The following SHLD1 variants were observed in gnomAD, a reference collection of about 807,000 sequenced individuals.
SHLD1 encodes the protein RINN1-REV7-interacting novel NHEJ regulator 3.
SHLD1 carries 3 observed loss-of-function variants against 5.5 expected under a neutral mutation model. The ratio of observed to expected loss-of-function variants is 0.54; its 90% CI spans 0.25 to 1.40. The LOEUF (loss-of-function observed/expected upper bound fraction) is 1.40, where lower values mean the gene tolerates loss of function less well. SHLD1 is among the 40% of genes most tolerant of loss of function. The pLI is 0.15. For missense variants in SHLD1, 210 were observed against 244.4 expected (o/e 0.86, Z 0.94); for synonymous variants, 92 against 94.3 (o/e 0.98, Z 0.14).
chr20:5,805,902 A>G (rs2087368225), intron 2 of SHLD1, among the ~76,000 whole-genome samples: 1 of 152,150 alleles, frequency 6.6e-6, no homozygotes, highest in Non-Finnish European at 1.5e-5. Context: ...CGCCTGGCCT[A>G]AATTTGTGTT....
chr20:5,861,716 A>G (rs2122516227), intron 2 of SHLD1, among the ~76,000 whole-genome samples: 1 of 152,344 alleles, frequency 6.6e-6, no homozygotes. Flanking sequence ...ATTTCCAGCT[A>G]GTAGCAAAAC....
chr20:5,828,071 C>T (rs1174509310), intron 2 of SHLD1, among the ~76,000 whole-genome samples: 1 of 152,244 alleles, frequency 6.6e-6, no homozygotes, highest in African/African-American at 2.4e-5. Flanking sequence ...GTAGAGTCAG[C>T]ATATTCAACA....
chr20:5,767,783 G>A (rs1984924387), intron 1 of SHLD1, among the ~76,000 whole-genome samples: 1 of 152,102 alleles, frequency 6.6e-6, no homozygotes, highest in Non-Finnish European at 1.5e-5. Context: ...AACACCTAGT[G>A]TAATGTCCAA....
chr20:5,787,581 T>C (rs2087077065), intron 2 of SHLD1, among the ~76,000 whole-genome samples: 1 of 152,238 alleles, frequency 6.6e-6, no homozygotes, highest in African/African-American at 2.4e-5. Flanking sequence ...TTTTGCCCAC[T>C]GCCTGGCCTA....
At chr20:5,835,567 C>T (rs1363017426) in intron 2 of SHLD1, among the ~76,000 whole-genome samples, 1 of 152,084 alleles carries the variant, frequency 6.6e-6, no homozygotes, top group Non-Finnish European at 1.5e-5. Context: ...CAGGGAGCAC[C>T]AGGTGAAGAA....
At chr20:5,818,185 C>G (rs1048596277) in intron 2 of SHLD1, among the ~76,000 whole-genome samples, 1 of 151,968 alleles carries the variant, frequency 6.6e-6, no homozygotes, top group Non-Finnish European at 1.5e-5. Context: ...AAGCGATTCT[C>G]CTGCCTCAGC....
chr20:5,861,954 C>T (rs1281082276), intron 2 of SHLD1, among the ~76,000 whole-genome samples: 3 of 152,176 alleles, frequency 2.0e-5, no homozygotes, highest in Non-Finnish European at 4.4e-5. Context: ...GGGCTCCTTT[C>T]CTGGCTTGTA....
At chr20:5,770,837 T>G (rs1985114614) in intron 1 of SHLD1, among the ~76,000 whole-genome samples, 1 of 152,220 alleles carries the variant, frequency 6.6e-6, no homozygotes, top group Non-Finnish European at 1.5e-5. Flanking sequence ...AGGTTGTATT[T>G]GCAGGTAAAA....
intron 2 of SHLD1, among the ~76,000 whole-genome samples, chr20:5,859,440 G>T (rs116493161): frequency 6.6e-6 from 1 of 152,140 alleles, no homozygotes; most frequent in African/African-American, 2.4e-5. Flanking sequence ...CCCTGAAGAC[G>T]TTGCTATCCC....
intron 2 of SHLD1, among the ~76,000 whole-genome samples, chr20:5,803,676 C>G: frequency 6.6e-6 from 1 of 151,718 alleles, no homozygotes; most frequent in Non-Finnish European, 1.5e-5. Flanking sequence ...CGAGACCATC[C>G]TGGTCAACAT....
chr20:5,802,957 T>C (rs945706436), intron 2 of SHLD1, among the ~76,000 whole-genome samples: 11 of 152,204 alleles, frequency 7.2e-5, no homozygotes, highest in Admixed American at 1.3e-4. Flanking sequence ...GACAAAGTGT[T>C]AAATGGGTTC....
At chr20:5,786,888 C>G (rs6076873) in intron 2 of SHLD1, among the ~76,000 whole-genome samples, 84,400 of 136,022 alleles carry the variant, frequency 0.62, 24,175 homozygotes, top group East Asian at 0.82. Context: ...AAAGGCTTCT[C>G]AAGCCAGATC....
At chr20:5,784,025 C>T (rs2087022565) in intron 2 of SHLD1, among the ~76,000 whole-genome samples, 1 of 152,040 alleles carries the variant, frequency 6.6e-6, no homozygotes, top group South Asian at 2.1e-4. Context: ...GTGGTGTGAG[C>T]CTGTAATTCC....
chr20:5,758,785 C>A (rs191272816), intron 1 of SHLD1, among the ~76,000 whole-genome samples: 33 of 151,774 alleles, frequency 2.2e-4, no homozygotes, highest in Admixed American at 5.9e-4. Context: ...GGTGGGAGGA[C>A]GCTTTGGGAA....
At chr20:5,846,612 T>C (rs961436010) in intron 2 of SHLD1, among the ~76,000 whole-genome samples, 10 of 152,200 alleles carry the variant, frequency 6.6e-5, no homozygotes, top group Non-Finnish European at 1.0e-4. Flanking sequence ...AATGATTGTT[T>C]TAAGTGTTTC....
intron 2 of SHLD1, among the ~76,000 whole-genome samples, chr20:5,785,420 C>T (rs929131354): frequency 6.6e-6 from 1 of 152,190 alleles, no homozygotes; most frequent in Non-Finnish European, 1.5e-5. Flanking sequence ...ATCTGAGACT[C>T]AAACCTGGGT....
rs1194437140 is a variant in SHLD1, at chr20:5,806,264, T to C, written c.178+33221T>C. Reference sequence around the variant, plus strand: ...ATAGTAGCTGACATAAGTGAGAATCTCCACCCACAAACTTTAAAACTGTTG... The same window carrying C: ...ATAGTAGCTGACATAAGTGAGAATCCCCACCCACAAACTTTAAAACTGTTG... On this transcript the variant is annotated intron_variant, in intron 2 of 2. Transcript: ENST00000303142. The surrounding 1 kb of genome is among the most constrained non-coding windows in gnomAD (Gnocchi z 7.6). Among the ~76,000 whole-genome samples the C allele has an allele frequency of 6.6e-6, 1 of 152,244 alleles. No homozygotes were observed. Among genetic ancestry groups the C allele is most frequent in the African/African-American group, 2.4e-5 (1 of 41,472 alleles).
At chr20:5,811,710 G>A (rs940181689) in intron 2 of SHLD1, among the ~76,000 whole-genome samples, 2 of 151,994 alleles carry the variant, frequency 1.3e-5, no homozygotes, top group African/African-American at 4.8e-5. Flanking sequence ...TTAAAAATTA[G>A]CCAGGTGTGG....
At chr20:5,843,471 C>A (rs913470293) in intron 2 of SHLD1, among the ~76,000 whole-genome samples, 1 of 151,882 alleles carries the variant, frequency 6.6e-6, no homozygotes, top group Non-Finnish European at 1.5e-5. Flanking sequence ...TCTCTGGTGG[C>A]GTAACTTCAG....
Sources: gnomAD v4.1 joint callset for allele counts (sites outside exome capture counted in the v4.1 genomes callset) on GRCh38, gnomAD v4.1.1 for gene constraint, Gnocchi (gnomAD v3.1) non-coding constraint, MANE v1.5 for transcripts, NCBI Gene and HGNC (gene_info 2026-07-23, HGNC 2026-07-21) for gene names.